Variants in TRMT6 observed in about 807,000 individuals in gnomAD.
The protein encoded by TRMT6 is tRNA (adenine(58)-N(1))-methyltransferase non-catalytic subunit TRM6.
A neutral mutation model predicts 59.0 loss-of-function variants in TRMT6; 34 were observed. The observed-to-expected ratio is 0.58, with a 90% CI of 0.44 to 0.77. The LOEUF (loss-of-function observed/expected upper bound fraction) is 0.77. Ranked by LOEUF, TRMT6 falls within the 30% of genes least tolerant of loss-of-function variation. The pLI, the probability that TRMT6 is intolerant of heterozygous loss-of-function variation, is 0.00. For synonymous variants in TRMT6, 217 were observed against 210.5 expected, an observed-to-expected ratio of 1.03 and a Z score of -0.27; for missense variants, 575 against 604.5, an observed-to-expected ratio of 0.95 and a Z score of 0.51.
At position 5,942,607 on chromosome 20, in the gene TRMT6, C is replaced by T. The variant is rs1333101725; in HGVS notation, c.847G>A (p.Ala283Thr). 6.2e-7 allele frequency: 1 copy of T among 1,614,138 alleles called. No individual in the cohort carries two copies. The highest frequency in any genetic ancestry group is 8.5e-7 in the Non-Finnish European group (1 of 1,180,022). The change falls in exon 7 of 11, where the codon GCT (alanine) becomes ACT (threonine). Residue 283 changes from alanine to threonine, a missense_variant. Ala to Thr is a moderately conservative substitution (Grantham distance 58). Coordinates refer to ENST00000203001, the MANE Select transcript of TRMT6 (RefSeq NM_015939.5). Reference sequence around the variant, plus strand: ...GTGCCATTACTTTCTTCAACCAAAGCACTGTCTTTTGGCTCTGAAGATAAC... The same window carrying T: ...GTGCCATTACTTTCTTCAACCAAAGTACTGTCTTTTGGCTCTGAAGATAAC... ...KMLSSEPKDS[A>T]LVEESNGTLE...
Position 5,938,734 on chromosome 20 carries a change from A to G in TRMT6, c.1303-8T>C. On this transcript the variant is annotated splice_polypyrimidine_tract_variant and splice_region_variant and intron_variant, in intron 10 of 10. Coordinates refer to ENST00000203001, the MANE Select transcript of TRMT6 (RefSeq NM_015939.5). Reference sequence around the variant, plus strand: ...ACTTCGATCTGGCAAAACCTAATCAAGACAGAAAAGACATTCATGCTTTCC... The same window carrying G: ...ACTTCGATCTGGCAAAACCTAATCAGGACAGAAAAGACATTCATGCTTTCC... The G allele has an allele frequency of 6.2e-7, 1 of 1,611,380 alleles. No individual in the cohort carries two copies. Among genetic ancestry groups the G allele is most frequent in the South Asian group, 1.1e-5 (1 of 90,902 alleles).
At chr20:5,949,751 T>C (rs2088760434) in intron 1 of TRMT6, among the ~76,000 whole-genome samples, 1 of 152,052 alleles carries the variant, frequency 6.6e-6, no homozygotes, top group African/African-American at 2.4e-5. Context: ...TTTTGTGGGA[T>C]AGATCCTGAC....
At position 5,937,729 on chromosome 20, in the gene TRMT6, T is replaced by C. The variant is rs900743510; in HGVS notation, c.*806A>G. On this transcript the variant is annotated 3_prime_UTR_variant, in exon 11 of 11. Coordinates refer to ENST00000203001, the MANE Select transcript of TRMT6 (RefSeq NM_015939.5). ...TACAATCTATGTCTCCACTTGCATG[T>C]GTATGTATATATCTGTGTATATATA... 5 of 152,230 alleles carry C rather than the reference T, an allele frequency of 3.3e-5. No homozygotes were observed. The highest frequency in any genetic ancestry group is 6.5e-5 in the Admixed American group (1 of 15,280). The allele number at this position is 152,230 out of a possible 1,614,324, so 9.4% of individuals were successfully genotyped here. A position where few individuals can be genotyped will look rare whatever the true frequency, so the allele number is the denominator to read the frequency against.
At chr20:5,943,891 G>T in intron 5 of TRMT6, 57 bp downstream of exon 5, 1 of 1,574,186 alleles carries the variant, frequency 6.4e-7, no homozygotes, top group East Asian at 2.3e-5. Flanking sequence ...TTAAAATCAT[G>T]ACTTTCTTAA....
intron 3 of TRMT6, 54 bp downstream of exon 3, chr20:5,944,751 G>C: frequency 7.0e-7 from 1 of 1,425,204 alleles, no homozygotes; most frequent in Non-Finnish European, 9.8e-7. Context: ...AAACCCAACA[G>C]TTTCCTAAAT....
chr20:5,941,830 A>G, intron 8 of TRMT6, 121 bp downstream of exon 8: 1 of 854,376 alleles, frequency 1.2e-6, no homozygotes, highest in East Asian at 2.5e-5. Context: ...AACCCCCAAG[A>G]CAAAATCCTC....
rs774866185 is a variant in TRMT6, at chr20:5,942,702, A to G, written c.752T>C (p.Leu251Pro). ...TACFGFPKSF[L>P]SGLYEFPLNK... Reference sequence around the variant, plus strand: ...GAGAGGGAATTCATAAAGACCACTGAGAAAAGATTTGGGAAATCCAAAACA... The same window carrying G: ...GAGAGGGAATTCATAAAGACCACTGGGAAAAGATTTGGGAAATCCAAAACA... The change falls in exon 7 of 11, where the codon CTC (leucine) becomes CCC (proline). Residue 251 changes from leucine to proline, a missense_variant. Leu to Pro is a moderately conservative substitution (Grantham distance 98). Transcript: ENST00000203001. 6.2e-7 allele frequency: 1 copy of G among 1,614,236 alleles called. No individual in the cohort carries two copies. Among genetic ancestry groups the G allele is most frequent in the South Asian group, 1.1e-5 (1 of 91,084 alleles).
At chr20:5,947,574 T>C (rs891298062) in intron 1 of TRMT6, among the ~76,000 whole-genome samples, 1 of 152,268 alleles carries the variant, frequency 6.6e-6, no homozygotes, top group African/African-American at 2.4e-5. Context: ...AGGGAAATCC[T>C]GTATGATCGT....
rs956111901 is a variant in TRMT6, at chr20:5,941,332, T to C, written c.1126A>G (p.Ser376Gly). The C allele has an allele frequency of 6.2e-7, 1 of 1,613,686 alleles. No individual in the cohort carries two copies. The highest frequency in any genetic ancestry group is 1.3e-5 in the African/African-American group (1 of 74,920). Reference protein sequence around the residue: ...ERNADGLIVASRFHPTPLLLS... With the variant: ...ERNADGLIVAGRFHPTPLLLS... ...AGCAGGGGAGTGGGGTGGAAACGAC[T>C]AGCTACAATTAAACTGTAAGGAAAA... Residue 376 changes from serine (S) to glycine (G), a missense_variant, in exon 9 of 11, where the codon AGT becomes GGT. Transcript: ENST00000203001.
intron 2 of TRMT6, 148 bp downstream of exon 2, chr20:5,946,258 C>T (rs2088705538): frequency 2.1e-6 from 2 of 937,238 alleles, no homozygotes; most frequent in Admixed American, 2.5e-5. Context: ...GCAGTACTTG[C>T]TTCACTCCAC....
rs1241007025 is a variant in TRMT6, at chr20:5,937,715, T to C, written c.*820A>G. 3.9e-5 allele frequency: 6 copies of C among 152,266 alleles called. No homozygotes were observed. The highest frequency in any genetic ancestry group is 6.5e-5 in the Admixed American group (1 of 15,288). 9.4% of individuals were successfully genotyped at this position (152,266 alleles called of 1,614,324 possible). On this transcript the variant is annotated 3_prime_UTR_variant, in exon 11 of 11. Coordinates refer to ENST00000203001, the MANE Select transcript of TRMT6 (RefSeq NM_015939.5). The stretch of plus-strand genomic sequence containing the variant: ...ATTCATACAGGTGGTACAATCTATG[T>C]CTCCACTTGCATGTGTATGTATATA...
Position 5,938,310 on chromosome 20 carries a change from T to A in TRMT6, c.*225A>T. The A allele has an allele frequency of 2.2e-6, 1 of 447,386 alleles. No individual in the cohort carries two copies. Among genetic ancestry groups the A allele is most frequent in the Non-Finnish European group, 4.0e-6 (1 of 252,032 alleles). 27.7% of individuals were successfully genotyped at this position (447,386 alleles called of 1,614,324 possible). On this transcript the variant is annotated 3_prime_UTR_variant, in exon 11 of 11. Coordinates refer to ENST00000203001, the MANE Select transcript of TRMT6 (RefSeq NM_015939.5). ...TTAGAAGTACTTAGAGGAGTTTTGT[T>A]AAATGCAGTTGGTCATACTACATAC... is the stretch of plus-strand genomic sequence containing the variant.
intron 2 of TRMT6, among the ~76,000 whole-genome samples, 181 bp downstream of exon 2, chr20:5,946,225 T>C (rs1408137616): frequency 6.6e-6 from 1 of 152,250 alleles, no homozygotes; most frequent in Non-Finnish European, 1.5e-5. Context: ...GGAGCCAGAA[T>C]CCAGGTTATC....
Position 5,950,369 on chromosome 20 carries a change from G to T in TRMT6, c.37C>A (p.Gln13Lys). The part of the protein sequence containing the change: ...GSGEQPGPQP[Q>K]HPGDHRIRDG... ...CGGATGCGGTGGTCTCCGGGATGCT[G>T]TGGTTGTGGGCCCGGCTGCTCCCCT... Residue 13 changes from glutamine (Q) to lysine (K), a missense_variant, in exon 1 of 11, where the codon CAG (glutamine) becomes AAG (lysine). Gln to Lys is a moderately conservative substitution (Grantham distance 53). Coordinates refer to ENST00000203001, the MANE Select transcript of TRMT6 (RefSeq NM_015939.5). The T allele has an allele frequency of 6.2e-7, 1 of 1,609,344 alleles. No homozygotes were observed.
chr20:5,946,291 G>C (rs1337657841), intron 2 of TRMT6, 115 bp downstream of exon 2: 2 of 1,290,906 alleles, frequency 1.5e-6, no homozygotes, highest in African/African-American at 3.0e-5. Flanking sequence ...CTTAGATTAT[G>C]AGTTAAGATT....
In TRMT6 at chr20:5,942,506, T is replaced by A; in HGVS notation, c.948A>T (p.Glu316Asp). Residue 316 changes from glutamate (E) to aspartate (D), a missense_variant, in exon 7 of 11, where the codon GAA (glutamate) becomes GAT (aspartate). Transcript: ENST00000203001. ...MAEAPESNHP[E>D]DQETMETISQ... ...AAATTGTTTCCATTGTTTCCTGGTC[T>A]TCTGGGTGGTTGCTCTCTGGGGCCT... 6.2e-7 allele frequency: 1 copy of A among 1,614,172 alleles called. No homozygotes were observed. Among genetic ancestry groups the A allele is most frequent in the Non-Finnish European group, 8.5e-7 (1 of 1,180,020 alleles).
chr20:5,949,915 G>A (rs940605654), intron 1 of TRMT6, among the ~76,000 whole-genome samples: 1 of 140,622 alleles, frequency 7.1e-6, no homozygotes, highest in Non-Finnish European at 1.5e-5. Context: ...AAGAACTTCA[G>A]GACAGGTGAT....
At chr20:5,942,811 T>A (rs1711632403) in intron 6 of TRMT6, 25 bp from the exon 7 acceptor site, 3 of 1,578,742 alleles carry the variant, frequency 1.9e-6, no homozygotes, top group Admixed American at 1.7e-5. Flanking sequence ...GAAACAAACA[T>A]CTGCCCGTGG....
At chr20:5,940,615 A>AT (rs2088647509) in intron 10 of TRMT6, among the ~76,000 whole-genome samples, 1 of 152,020 alleles carries the variant, frequency 6.6e-6, no homozygotes, top group Non-Finnish European at 1.5e-5. Context: ...AGACATCTCT[A>AT]TTTTTATTTT....
Sources: allele counts gnomAD v4.1 joint callset (sites outside exome capture counted in the v4.1 genomes callset), GRCh38; gene constraint gnomAD v4.1.1; transcripts MANE v1.5; gene names NCBI Gene and HGNC (gene_info 2026-07-23, HGNC 2026-07-21).